CSMD3: variants seen among roughly 807,000 people sequenced by gnomAD.
CSMD3 encodes CUB and sushi domain-containing protein 3.
Under a neutral mutation model 435.2 loss-of-function variants are expected in CSMD3, and 177 were observed. That is an observed-to-expected ratio of 0.41 (90% CI 0.36 to 0.46). The LOEUF is 0.46. CSMD3 is among the 20% of genes least tolerant of loss of function. The pLI is 0.34. For synonymous variants in CSMD3, 1,656 were observed against 1,520.5 expected (o/e 1.09, Z -2.07); for missense variants, 4,265 against 4,504.6 (o/e 0.95, Z 1.52).
At chr8:112,713,876 A>C (rs924521306) in intron 13 of CSMD3, among the ~76,000 whole-genome samples, 1 of 152,182 alleles carries the variant, frequency 6.6e-6, no homozygotes, top group Non-Finnish European at 1.5e-5. Flanking sequence ...GCAAAGGCTG[A>C]GAGATTTTGT....
At chr8:112,984,822 C>A (rs1030321888) in intron 6 of CSMD3, among the ~76,000 whole-genome samples, 19 of 152,064 alleles carry the variant, frequency 1.2e-4, no homozygotes, top group African/African-American at 4.6e-4. Context: ...TAATACCCTA[C>A]TTTTTCTACA....
At chr8:113,362,687 TTGTC>T (rs1191140855) in intron 1 of CSMD3, among the ~76,000 whole-genome samples, 26 of 152,324 alleles carry the variant, frequency 1.7e-4, no homozygotes, top group African/African-American at 6.3e-4. Flanking sequence ...TCTTGAGATT[TTGTC>T]TGTTTGTTTC....
chr8:112,361,974 A>C (rs559732985), intron 38 of CSMD3, among the ~76,000 whole-genome samples: 16 of 152,004 alleles, frequency 1.1e-4, no homozygotes, highest in Middle Eastern at 3.4e-3. Context: ...GTTTATGTTG[A>C]TACTACCTTT....
At chr8:112,992,878 G>C (rs1283893402) in intron 6 of CSMD3, among the ~76,000 whole-genome samples, 2 of 151,228 alleles carry the variant, frequency 1.3e-5, no homozygotes, top group Non-Finnish European at 3.0e-5. Flanking sequence ...GCTGCTATAA[G>C]AAAAAATATG....
rs1409806663 is a variant in CSMD3, at chr8:112,564,488, C to T, written c.4043-7534G>A. On this transcript the variant is annotated intron_variant, in intron 24 of 70. Transcript: ENST00000297405. ...TTATGTACTGTGTGTAGCTAAGATT[C>T]AAAACAAGAAATTTGAGGCCTTGAT... Among the ~76,000 whole-genome samples the T allele has an allele frequency of 2.0e-5, 3 of 151,464 alleles. No individual in the cohort carries two copies. The Admixed American group carries it at 2.0e-4, about 10-fold the overall frequency.
chr8:113,040,274 T>C (rs190451528), intron 5 of CSMD3, among the ~76,000 whole-genome samples: 51 of 152,298 alleles, frequency 3.3e-4, no homozygotes, highest in Admixed American at 2.7e-3. Context: ...GTTGGAAAGA[T>C]AGCAATGGGC....
chr8:113,025,028 TTCCC>T (rs34037707), intron 5 of CSMD3, among the ~76,000 whole-genome samples: 91,335 of 151,514 alleles, frequency 0.6, 29,112 homozygotes, highest in East Asian at 0.95. Flanking sequence ...CTGTCTCCAG[TTCCC>T]TCCATGTTCC....
intron 1 of CSMD3, among the ~76,000 whole-genome samples, chr8:113,367,015 A>C (rs2094316347): frequency 6.6e-6 from 1 of 152,076 alleles, no homozygotes; most frequent in Non-Finnish European, 1.5e-5. Context: ...TGTTGAAATG[A>C]GTACTTTTTT....
intron 3 of CSMD3, among the ~76,000 whole-genome samples, chr8:113,205,544 A>G (rs1256244480): frequency 6.6e-6 from 1 of 152,150 alleles, no homozygotes; most frequent in Non-Finnish European, 1.5e-5. Flanking sequence ...TGTACACTCT[A>G]TGATGTTCTC....
chr8:113,232,645 C>A (rs1334316642), intron 3 of CSMD3, among the ~76,000 whole-genome samples: 1 of 151,676 alleles, frequency 6.6e-6, no homozygotes, highest in Non-Finnish European at 1.5e-5. Flanking sequence ...ATTATCAAAT[C>A]AAAATCAACT....
intron 9 of CSMD3, among the ~76,000 whole-genome samples, chr8:112,934,842 A>T (rs899406482): frequency 6.6e-6 from 1 of 152,092 alleles, no homozygotes; most frequent in African/African-American, 2.4e-5. Context: ...ATAGTGTGCA[A>T]ATGTTTTCTT....
At chr8:112,662,200 A>T (rs2075398498) in intron 17 of CSMD3, among the ~76,000 whole-genome samples, 2 of 152,220 alleles carry the variant, frequency 1.3e-5, no homozygotes, top group Admixed American at 6.5e-5. Flanking sequence ...ACCAAAAAAG[A>T]GCCCACATTT....
intron 1 of CSMD3, among the ~76,000 whole-genome samples, chr8:113,390,303 CA>C: frequency 6.6e-6 from 1 of 151,664 alleles, no homozygotes; most frequent in East Asian, 1.9e-4. Flanking sequence ...ATATCAATGC[CA>C]AAACAATCTC....
At chr8:112,596,331 A>G (rs1448191559) in intron 22 of CSMD3, among the ~76,000 whole-genome samples, 1 of 152,166 alleles carries the variant, frequency 6.6e-6, no homozygotes, top group Non-Finnish European at 1.5e-5. Flanking sequence ...CAAAATATAT[A>G]TGCACCCAAT....
At chr8:112,894,675 C>T (rs573225499) in intron 10 of CSMD3, among the ~76,000 whole-genome samples, 2 of 150,954 alleles carry the variant, frequency 1.3e-5, no homozygotes, top group Non-Finnish European at 1.5e-5. Flanking sequence ...AAATACGCAA[C>T]CTTCTAAAAT....
At chr8:113,311,298 C>T (rs1402612148) in intron 2 of CSMD3, 1 of 151,930 alleles carries the variant, frequency 6.6e-6, no homozygotes, top group Non-Finnish European at 1.5e-5. Context: ...AAATAACTTA[C>T]AGAAAAACAA....
intron 38 of CSMD3, among the ~76,000 whole-genome samples, chr8:112,379,209 C>T (rs1013452587): frequency 6.6e-6 from 1 of 152,214 alleles, no homozygotes; most frequent in Non-Finnish European, 1.5e-5. Flanking sequence ...GTGGCTCACG[C>T]CTGTAATCCC....
At chr8:112,485,499 T>C (rs954217507) in intron 31 of CSMD3, among the ~76,000 whole-genome samples, 4 of 152,132 alleles carry the variant, frequency 2.6e-5, no homozygotes, top group African/African-American at 9.6e-5. Context: ...AATGAGACTC[T>C]AGACTTATTT....
intron 35 of CSMD3, among the ~76,000 whole-genome samples, chr8:112,403,630 A>T (rs547837494): frequency 6.6e-6 from 1 of 152,034 alleles, no homozygotes; most frequent in Non-Finnish European, 1.5e-5. Flanking sequence ...GCTTCCTCAG[A>T]CTTCTTTTAT....
Sources: gnomAD v4.1 joint callset for allele counts (sites outside exome capture counted in the v4.1 genomes callset) on GRCh38, gnomAD v4.1.1 for gene constraint, MANE v1.5 for transcripts, NCBI Gene and HGNC (gene_info 2026-07-23, HGNC 2026-07-21) for gene names.